The following MAOB variants were observed in gnomAD, a reference collection of about 807,000 sequenced individuals.
MAOB encodes the protein amine oxidase [flavin-containing] B.
Under a neutral mutation model 41.9 loss-of-function variants are expected in MAOB, and 15 were observed. The observed-to-expected ratio is 0.36, with a 90% CI of 0.24 to 0.55. The LOEUF is 0.55. Among genes scored for constraint, MAOB ranks in the 20% least tolerant of loss-of-function variants. The pLI is 0.86. For missense variants in MAOB, 345 were observed against 398.7 expected (o/e 0.87, Z 1.15); for synonymous variants, 167 against 144.2 (o/e 1.16, Z -1.13).
chrX:43,832,749 G>A (rs2035032364), intron 3 of MAOB, among the ~76,000 whole-genome samples: 1 of 111,320 alleles, frequency 9.0e-6, no homozygotes. Flanking sequence ...GACTGCACAG[G>A]GGGTCAGCAC....
intron 3 of MAOB, among the ~76,000 whole-genome samples, chrX:43,817,753 C>T (rs1019806564): frequency 4.5e-5 from 5 of 112,167 alleles, no homozygotes; most frequent in Non-Finnish European, 9.4e-5. Context: ...GCCTTTGCAC[C>T]TGTCACTCCC....
intron 1 of MAOB, among the ~76,000 whole-genome samples, chrX:43,845,944 T>C (rs373124089): frequency 1.3e-4 from 14 of 111,986 alleles, no homozygotes; most frequent in African/African-American, 4.2e-4. Flanking sequence ...ATGCTTCCAG[T>C]TGCTGATGGG....
At chrX:43,873,353 G>A (rs971772171) in intron 1 of MAOB, among the ~76,000 whole-genome samples, 12 of 109,873 alleles carry the variant, frequency 1.1e-4, no homozygotes, top group African/African-American at 4.0e-4. Flanking sequence ...TAAGCAAAAG[G>A]GACGATTATT....
At chrX:43,818,858 C>T (rs755189516) in intron 3 of MAOB, among the ~76,000 whole-genome samples, 194 of 112,256 alleles carry the variant, frequency 1.7e-3, no homozygotes, top group African/African-American at 5.5e-3. Flanking sequence ...GAGGCAGGTC[C>T]ATGAAAACAG....
chrX:43,806,296 C>T (rs868201379), intron 3 of MAOB, among the ~76,000 whole-genome samples: 1 of 112,075 alleles, frequency 8.9e-6, no homozygotes, highest in South Asian at 3.7e-4. Context: ...TCTTAGTCTC[C>T]TATGGTGTGT....
chrX:43,812,728 C>A (rs964529115), intron 3 of MAOB, among the ~76,000 whole-genome samples: 1 of 112,481 alleles, frequency 8.9e-6, no homozygotes, highest in Non-Finnish European at 1.9e-5. Flanking sequence ...TCTAAGCACA[C>A]AGAATTGGCA....
intron 5 of MAOB, among the ~76,000 whole-genome samples, chrX:43,800,997 T>C (rs376441730): frequency 2.0e-4 from 22 of 111,115 alleles, no homozygotes; most frequent in African/African-American, 6.9e-4. Flanking sequence ...AGATGTTCCA[T>C]ACTTGATTCT....
At chrX:43,849,685 T>G (rs978196161) in intron 1 of MAOB, among the ~76,000 whole-genome samples, 4 of 112,883 alleles carry the variant, frequency 3.5e-5, no homozygotes, top group African/African-American at 1.3e-4. Context: ...TTTTATTTCC[T>G]GAACAATAAG....
chrX:43,816,775 C>T (rs183243504), intron 3 of MAOB, among the ~76,000 whole-genome samples: 34 of 111,862 alleles, frequency 3.0e-4, no homozygotes, highest in African/African-American at 1.1e-3. Flanking sequence ...GTTTAAAAAT[C>T]AAGTTCCTTT....
intron 3 of MAOB, among the ~76,000 whole-genome samples, chrX:43,838,187 A>C (rs1205047748): frequency 8.9e-6 from 1 of 111,863 alleles, no homozygotes; most frequent in African/African-American, 3.3e-5. Context: ...TCTGAGAAAA[A>C]TCAGGACAAA....
At chrX:43,814,899 A>G (rs1366571802) in intron 3 of MAOB, among the ~76,000 whole-genome samples, 1 of 112,160 alleles carries the variant, frequency 8.9e-6, no homozygotes, top group Non-Finnish European at 1.9e-5. Flanking sequence ...TAAGAAGCTG[A>G]AAATTGTAAT....
chrX:43,795,411 T>C (rs1476668114), intron 7 of MAOB, among the ~76,000 whole-genome samples: 1 of 111,954 alleles, frequency 8.9e-6, no homozygotes, highest in African/African-American at 3.3e-5. Flanking sequence ...ATCCAGAAGC[T>C]CCCAGAACTC....
intron 5 of MAOB, among the ~76,000 whole-genome samples, chrX:43,801,817 T>C (rs1245570897): frequency 1.8e-5 from 2 of 112,838 alleles, no homozygotes; most frequent in Non-Finnish European, 3.7e-5. Context: ...ATCTCCACAT[T>C]TGACCACCAG....
At position 43,787,142 on chromosome X, in the gene MAOB, G is replaced by A. The variant is rs1358016992; in HGVS notation, c.929-5598C>T. Among the ~76,000 whole-genome samples, 3 of 110,903 alleles carry A rather than the reference G, an allele frequency of 2.7e-5. No homozygotes were observed. In the Admixed American group the frequency reaches 2.9e-4, roughly 11 times the overall value. On this transcript the variant is annotated intron_variant, in intron 8 of 14. Coordinates refer to ENST00000378069, the MANE Select transcript of MAOB (RefSeq NM_000898.5). ...TAGGGGGAGGGACCCAATAATTCAG[G>A]TAGTAGAAGAAATTTCCCCCAAAGT...
chrX:43,767,163 G>T lies in MAOB; in HGVS notation c.*303C>A, dbSNP rs186041127. ...AGGAAAAAATTCATTCCTTGTGCAT[G>T]GGCAAGGTGTGTTGTGGGGCAGCAA... On this transcript the variant is annotated 3_prime_UTR_variant, in exon 15 of 15. Coordinates refer to ENST00000378069, the MANE Select transcript of MAOB (RefSeq NM_000898.5). The T allele has an allele frequency of 3.5e-3, 903 of 256,300 alleles. 10 individuals are homozygous for T. The highest frequency in any genetic ancestry group is 0.023 in the African/African-American group (816 of 35,875). The allele number at this position is 256,300 out of a possible 1,213,427, so 21.1% of individuals were successfully genotyped here.
chrX:43,869,769 G>A (rs1420612039), intron 1 of MAOB, among the ~76,000 whole-genome samples: 1 of 111,881 alleles, frequency 8.9e-6, no homozygotes, highest in African/African-American at 3.2e-5. Context: ...TTTAAAAAAT[G>A]GTTATTTCCA....
chrX:43,788,381 T>C (rs1465125959), intron 8 of MAOB, among the ~76,000 whole-genome samples: 1 of 111,743 alleles, frequency 8.9e-6, no homozygotes, highest in African/African-American at 3.3e-5. Context: ...AAGACAGATA[T>C]GGAACTTATA....
intron 12 of MAOB, 120 bp downstream of exon 12, chrX:43,775,055 G>GTTTT (rs373072993): frequency 4.7e-5 from 29 of 616,816 alleles, no homozygotes; most frequent in East Asian, 1.4e-4. Context: ...AAATTGGGTT[G>GTTTT]TTTTTTTTTT....
At chrX:43,824,342 G>A (rs2034918171) in intron 3 of MAOB, among the ~76,000 whole-genome samples, 1 of 112,279 alleles carries the variant, frequency 8.9e-6, no homozygotes, top group African/African-American at 3.2e-5. Flanking sequence ...ATTTCAGTGG[G>A]TTCTGGGTTA....
Sources: allele counts gnomAD v4.1 joint callset (sites outside exome capture counted in the v4.1 genomes callset), GRCh38; gene constraint gnomAD v4.1.1; transcripts MANE v1.5; gene names NCBI Gene and HGNC (gene_info 2026-07-23, HGNC 2026-07-21).